DDX60L: variants seen among roughly 807,000 people sequenced by gnomAD.
DDX60L encodes the protein DExD/H-box 60 like.
In DDX60L, 191 loss-of-function variants were observed where a neutral mutation model predicts 211.6. The observed-to-expected ratio is 0.90, with a 90% CI of 0.80 to 1.02. DDX60L has a LOEUF of 1.02. DDX60L is among the 50% of genes least tolerant of loss of function. The pLI is 0.00. For synonymous variants in DDX60L, 706 were observed against 694.1 expected, an observed-to-expected ratio of 1.02 and a Z score of -0.27; for missense variants, 2,007 against 1,984.1, an observed-to-expected ratio of 1.01 and a Z score of -0.22.
At chr4:168,453,327 T>G in intron 7 of DDX60L, 45 bp from the exon 8 acceptor site, 2 of 1,561,406 alleles carry the variant, frequency 1.3e-6, no homozygotes, top group Non-Finnish European at 1.7e-6. Flanking sequence ...TGTCACGCTG[T>G]GAAATGGCAT....
intron 32 of DDX60L, 111 bp downstream of exon 32, chr4:168,379,252 A>C (rs1742497229): frequency 1.0e-6 from 1 of 992,192 alleles, no homozygotes; most frequent in African/African-American, 1.7e-5. Context: ...CTTAGTATTT[A>C]TTTGCTTTAA....
rs79978945 is a variant in DDX60L, at chr4:168,378,118, T to A, written c.4485+236A>T. Among the ~76,000 whole-genome samples the A allele has an allele frequency of 3.1e-3, 471 of 152,344 alleles. 2 individuals carry two copies. Among genetic ancestry groups the A allele is most frequent in the African/African-American group, 0.011 (442 of 41,576 alleles). On this transcript the variant is annotated intron_variant, in intron 33 of 37. Transcript: ENST00000682922. ...TATGTAATCTCTGTTGCTACTGAAT[T>A]ACATAATTTGCTCCAATAAAGTGAA...
chr4:168,456,065 A>G lies in DDX60L; in HGVS notation c.811T>C (p.Ser271Pro). ...AAGACACGATGGTACATTCTCAAGG[A>G]TAGTGAACATGAAGTGACACAGAGA... The part of the protein sequence containing the change: ...RVLCVTSCSL[S>P]LRMYHRVLVH... The change falls in exon 7 of 38, where the codon TCC becomes CCC. Residue 271 changes from serine to proline, a missense_variant. Transcript: ENST00000682922. 6.3e-7 allele frequency: 1 copy of G among 1,595,002 alleles called. No individual in the cohort carries two copies. The highest frequency in any genetic ancestry group is 8.5e-7 in the Non-Finnish European group (1 of 1,172,696).
chr4:168,377,291 C>CAAATAAATAAAT (rs200027731), intron 33 of DDX60L, among the ~76,000 whole-genome samples: 2 of 110,700 alleles, frequency 1.8e-5, no homozygotes, highest in Non-Finnish European at 3.8e-5. Context: ...GACTCTGTCT[C>CAAATAAATAAAT]AAATAAATAA....
Position 168,373,701 on chromosome 4 carries a change from C to T in DDX60L, c.4741G>A (p.Asp1581Asn). 6.2e-7 allele frequency: 1 copy of T among 1,613,914 alleles called. No homozygotes were observed. The highest frequency in any genetic ancestry group is 8.5e-7 in the Non-Finnish European group (1 of 1,179,836). The stretch of plus-strand genomic sequence containing the variant: ...GTCTCTGGTCGAAGCAAATCATTAT[C>T]TGTGTTCCCCGAAAGACAAACAAAT... ...SPFVCLSGNTDNDLLRPETIN... is the reference protein window; with the variant it reads ...SPFVCLSGNTNNDLLRPETIN... The change falls in exon 35 of 38, where the codon GAT becomes AAT. Residue 1581 changes from aspartate (D) to asparagine (N), a missense_variant. Transcript: ENST00000682922.
At chr4:168,375,629 A>G (rs1741824459) in intron 33 of DDX60L, 105 bp from the exon 34 acceptor site, 1 of 1,045,186 alleles carries the variant, frequency 9.6e-7, no homozygotes, top group Admixed American at 3.9e-5. Flanking sequence ...ATGCTCATTC[A>G]TCAAAACCCT....
At chr4:168,471,290 G>A (rs1220330794) in intron 4 of DDX60L, 2 of 152,538 alleles carry the variant, frequency 1.3e-5, no homozygotes, top group Non-Finnish European at 2.9e-5. Flanking sequence ...ATATGAAGAA[G>A]TAAGTAAAAT....
At chr4:168,416,534 C>T (rs1163360285) in intron 20 of DDX60L, 148 bp downstream of exon 20, 5 of 472,170 alleles carry the variant, frequency 1.1e-5, no homozygotes, top group Non-Finnish European at 1.7e-5. Context: ...GCCTGGGCAA[C>T]AAAGCAAGAC....
At chr4:168,465,204 A>G (rs909413628) in intron 4 of DDX60L, among the ~76,000 whole-genome samples, 1 of 151,346 alleles carries the variant, frequency 6.6e-6, no homozygotes, top group Non-Finnish European at 1.5e-5. Context: ...GTGAGATGCT[A>G]TCTTATTATG....
rs889310405 is a variant in DDX60L at position 168,440,427 on chromosome 4, C to G, written c.1294+910G>C. Among the ~76,000 whole-genome samples, 19 of 152,226 alleles carry G rather than the reference C, an allele frequency of 1.2e-4. No individual in the cohort carries two copies. The East Asian group carries it at 3.7e-3, about 29-fold the overall frequency. On this transcript the variant is annotated intron_variant, in intron 10 of 37. Transcript: ENST00000682922. ...AAGTTATATGTAAGAATATTCATAA[C>G]AGTTTTACCCTTCAATCACTTCTCA...
At chr4:168,422,400 C>A (rs568010201) in intron 16 of DDX60L, 124 bp downstream of exon 16, 2 of 879,258 alleles carry the variant, frequency 2.3e-6, no homozygotes, top group South Asian at 2.2e-5. Context: ...ATTCTCCAGG[C>A]ACAGTAGAGG....
At chr4:168,460,123 T>C (rs1197719666) in intron 5 of DDX60L, among the ~76,000 whole-genome samples, 1 of 152,218 alleles carries the variant, frequency 6.6e-6, no homozygotes, top group Non-Finnish European at 1.5e-5. Flanking sequence ...ATTGAAAGAT[T>C]ATTTTTGATA....
chr4:168,474,984 C>T (rs188734531), intron 1 of DDX60L, among the ~76,000 whole-genome samples: 1 of 152,148 alleles, frequency 6.6e-6, no homozygotes, highest in East Asian at 1.9e-4. Context: ...TTCAGTACTC[C>T]AAAGATAAAG....
At position 168,427,272 on chromosome 4, in the gene DDX60L, G is replaced by A; in HGVS notation, c.1728C>T (p.Leu576=). ...ITKKSKKKSF[L]KEDQNKAQQN... is the part of the protein sequence containing the mutation. ...GCTGAGCTTTGTTCTGATCTTCTTTGAGAAATGACTTTTTCTTACTCTTTT... is the reference window on the plus strand; with the variant it reads ...GCTGAGCTTTGTTCTGATCTTCTTTAAGAAATGACTTTTTCTTACTCTTTT... The change falls in exon 14 of 38, where the codon CTC becomes CTT. Residue 576 remains leucine, a synonymous_variant. Coordinates refer to ENST00000682922, the MANE Select transcript of DDX60L (RefSeq NM_001012967.3). 1 of 1,613,630 alleles carries A rather than the reference G, an allele frequency of 6.2e-7. No individual in the cohort carries two copies. Among genetic ancestry groups the A allele is most frequent in the African/African-American group, 1.3e-5 (1 of 75,012 alleles).
intron 29 of DDX60L, 56 bp downstream of exon 29, chr4:168,391,484 G>T (rs990662868): frequency 1.8e-6 from 2 of 1,140,458 alleles, no homozygotes; most frequent in Admixed American, 3.9e-5. Context: ...GTGCCACATG[G>T]TTCATTATTT....
intron 8 of DDX60L, among the ~76,000 whole-genome samples, chr4:168,450,029 T>G (rs1755588619): frequency 6.6e-6 from 1 of 152,088 alleles, no homozygotes; most frequent in Admixed American, 6.6e-5. Flanking sequence ...CAGCCCTTTC[T>G]CAAAACAAAC....
At chr4:168,422,043 A>G (rs1750722984) in intron 16 of DDX60L, 134 bp from the exon 17 acceptor site, 3 of 1,078,500 alleles carry the variant, frequency 2.8e-6, no homozygotes, top group East Asian at 2.5e-5. Context: ...GAACCCCTGA[A>G]GATTAGGTCT....
At chr4:168,464,808 T>C (rs530116439) in intron 4 of DDX60L, among the ~76,000 whole-genome samples, 2 of 152,266 alleles carry the variant, frequency 1.3e-5, no homozygotes, top group East Asian at 1.9e-4. Context: ...AAGATCATCA[T>C]GTTGCCACAA....
chr4:168,433,468 A>C (rs567428676), intron 10 of DDX60L, among the ~76,000 whole-genome samples: 143 of 152,256 alleles, frequency 9.4e-4, no homozygotes, highest in South Asian at 2.5e-3. Flanking sequence ...AGCACCACTC[A>C]GAGTTCACCT....
Sources: allele counts gnomAD v4.1 joint callset (sites outside exome capture counted in the v4.1 genomes callset), GRCh38; gene constraint gnomAD v4.1.1; transcripts MANE v1.5; gene names NCBI Gene and HGNC (gene_info 2026-07-23, HGNC 2026-07-21).